BPIFB4: variants seen among roughly 807,000 people sequenced by gnomAD.
BPIFB4 encodes the protein BPI fold-containing family B member 4.
BPIFB4 carries 62 observed loss-of-function variants against 69.2 expected under a neutral mutation model. The observed-to-expected ratio is 0.90, with a 90% CI of 0.73 to 1.11. BPIFB4 has a LOEUF of 1.11. BPIFB4 is among the 50% of genes least tolerant of loss of function. BPIFB4 has a pLI of 0.00. For missense variants in BPIFB4, 789 were observed against 792.0 expected, an observed-to-expected ratio of 1.00 and a Z score of 0.04; for synonymous variants, 330 against 332.7, an observed-to-expected ratio of 0.99 and a Z score of 0.09.
At chr20:33,098,859 C>T (rs541963384) in intron 13 of BPIFB4, among the ~76,000 whole-genome samples, 1 of 152,138 alleles carries the variant, frequency 6.6e-6, no homozygotes, top group Non-Finnish European at 1.5e-5. Flanking sequence ...CCCCTCATCA[C>T]CTCTGAGCTC....
At chr20:33,093,249 A>G (rs1981660440) in intron 11 of BPIFB4, among the ~76,000 whole-genome samples, 1 of 151,510 alleles carries the variant, frequency 6.6e-6, no homozygotes, top group Non-Finnish European at 1.5e-5. Flanking sequence ...CAACCCACCT[A>G]TCCACCCACC....
At chr20:33,080,864 G>A (rs1177129316) in intron 2 of BPIFB4, among the ~76,000 whole-genome samples, 1 of 152,142 alleles carries the variant, frequency 6.6e-6, no homozygotes, top group Non-Finnish European at 1.5e-5. Context: ...ATGGATGATA[G>A]ATATATGGGA....
At chr20:33,105,897 T>G (rs888184956) in intron 16 of BPIFB4, among the ~76,000 whole-genome samples, 1 of 151,696 alleles carries the variant, frequency 6.6e-6, no homozygotes, top group African/African-American at 2.4e-5. Flanking sequence ...TGGGGGCGAG[T>G]CTTTTAATCA....
chr20:33,108,423 C>CTATATATGTATATATATATATATA (rs1982136808), intron 17 of BPIFB4, among the ~76,000 whole-genome samples: 1 of 125,704 alleles, frequency 8.0e-6, no homozygotes. Flanking sequence ...ATATATATGT[C>CTATATATGTATATATATATATATA]TATATATATA....
rs915811788 is a variant in BPIFB4 at position 33,100,578 on chromosome 20, T to G, written c.1637+85T>G. 32 of 1,318,146 alleles carry G rather than the reference T, an allele frequency of 2.4e-5. No individual in the cohort carries two copies. The African/African-American group carries it at 4.5e-4, about 19-fold the overall frequency. 81.7% of individuals were successfully genotyped at this position (1,318,146 alleles called of 1,614,324 possible). On this transcript the variant is annotated intron_variant, in intron 14 of 17. Coordinates refer to ENST00000375483, the MANE Select transcript of BPIFB4 (RefSeq NM_182519.3). ...CCAGGGAGCGGGTAGAGGTCTCCTG[T>G]GTGGCCATCAGGGCTGGGTAAACCC...
In BPIFB4 at chr20:33,089,545, G is replaced by C; in HGVS notation, c.1038G>C (p.Leu346=). 1.9e-6 allele frequency: 3 copies of C among 1,614,244 alleles called. No homozygotes were observed. The highest frequency in any genetic ancestry group is 2.5e-6 in the Non-Finnish European group (3 of 1,180,034). ...TGCTGGGTCTTGTCAATGACCAGCTGGGCCTCGTGGATTGTAAGTCCAATA... is the reference window on the plus strand; with the variant it reads ...TGCTGGGTCTTGTCAATGACCAGCTCGGCCTCGTGGATTGTAAGTCCAATA... ...DVVLGLVNDQ[L]GLVDSLIPLG... Residue 346 remains leucine (L), a synonymous_variant, in exon 9 of 18, where the codon CTG becomes CTC. Coordinates refer to ENST00000375483, the MANE Select transcript of BPIFB4 (RefSeq NM_182519.3).
At position 33,084,934 on chromosome 20, in the gene BPIFB4, G is replaced by T; in HGVS notation, c.720G>T (p.Arg240=). The part of the protein sequence containing the change: ...VELTLPRVSV[R]LLPGVGVYLS... The stretch of plus-strand genomic sequence containing the variant: ...TGACCCTCCCTCGGGTGTCCGTGCG[G>T]CTCCTGCCCGGCGTGGGTGTCTACC... Residue 240 remains arginine (R), a synonymous_variant, in exon 6 of 18, where the codon CGG becomes CGT. Coordinates refer to ENST00000375483, the MANE Select transcript of BPIFB4 (RefSeq NM_182519.3). 1 of 1,611,128 alleles carries T rather than the reference G, an allele frequency of 6.2e-7. No individual in the cohort carries two copies.
intron 9 of BPIFB4, among the ~76,000 whole-genome samples, chr20:33,090,261 T>A (rs941704176): frequency 1.3e-5 from 2 of 152,220 alleles, no homozygotes; most frequent in African/African-American, 4.8e-5. Flanking sequence ...CAGGGAAATC[T>A]CCTTCCCTTT....
intron 14 of BPIFB4, among the ~76,000 whole-genome samples, chr20:33,100,921 A>G (rs991220388): frequency 9.8e-6 from 1 of 101,624 alleles, no homozygotes; most frequent in Non-Finnish European, 2.4e-5. Context: ...CGGGCTTGGT[A>G]TCCATGTGCC....
intron 13 of BPIFB4, among the ~76,000 whole-genome samples, chr20:33,099,363 G>C (rs77473341): frequency 6.6e-6 from 1 of 152,114 alleles, no homozygotes; most frequent in African/African-American, 2.4e-5. Context: ...AGTGGGAATG[G>C]CTGTCCCAAT....
At chr20:33,096,344 C>T (rs1415633963) in intron 12 of BPIFB4, among the ~76,000 whole-genome samples, 1 of 152,306 alleles carries the variant, frequency 6.6e-6, no homozygotes, top group Non-Finnish European at 1.5e-5. Flanking sequence ...GGCACAATCT[C>T]AGCTCACTGC....
Position 33,095,266 on chromosome 20 carries a change from C to G in BPIFB4, c.1398+113C>G, listed in dbSNP as rs559850433. The G allele has an allele frequency of 1.7e-5, 20 of 1,180,224 alleles. No individual in the cohort carries two copies. In the African/African-American group the frequency reaches 3.0e-4, roughly 18 times the overall value. 73.1% of individuals were successfully genotyped at this position (1,180,224 alleles called of 1,614,324 possible). Reference sequence around the variant, plus strand: ...TGGGGTGGGGTGCTCTCCCCCGAACCCCTGCTTGGGAGTGCAGTGACAGTG... The same window carrying G: ...TGGGGTGGGGTGCTCTCCCCCGAACGCCTGCTTGGGAGTGCAGTGACAGTG... On this transcript the variant is annotated intron_variant, in intron 12 of 17. Transcript: ENST00000375483.
chr20:33,107,626 ACT>A (rs1251730265), intron 16 of BPIFB4, 116 bp from the exon 17 acceptor site: 3 of 728,312 alleles, frequency 4.1e-6, no homozygotes, highest in Non-Finnish European at 7.2e-6. Context: ...ACAGAGCGAG[ACT>A]CTGTCTCAAA....
intron 8 of BPIFB4, among the ~76,000 whole-genome samples, 166 bp downstream of exon 8, chr20:33,089,195 C>T (rs767773847): frequency 2.3e-4 from 35 of 152,148 alleles, no homozygotes; most frequent in Admixed American, 5.9e-4. Context: ...CTGAGGAACA[C>T]GAAAGGACAG....
intron 13 of BPIFB4, 90 bp downstream of exon 13, chr20:33,097,877 C>T (rs1168465811): frequency 2.2e-6 from 3 of 1,348,938 alleles, no homozygotes; most frequent in Admixed American, 2.3e-5. Context: ...TTCAAATCCC[C>T]TCAATCTCCA....
chr20:33,110,849 C>G (rs145264414), intron 17 of BPIFB4, among the ~76,000 whole-genome samples: 1 of 105,924 alleles, frequency 9.4e-6, no homozygotes, highest in African/African-American at 3.9e-5. Context: ...GAGTTTTGCT[C>G]TTGTCACCCA....
At chr20:33,085,839 G>C (rs1490431685) in intron 6 of BPIFB4, among the ~76,000 whole-genome samples, 182 bp from the exon 7 acceptor site, 3 of 152,230 alleles carry the variant, frequency 2.0e-5, no homozygotes, top group South Asian at 4.1e-4. Context: ...CATGGGCTGA[G>C]GGGGAGATAG....
At chr20:33,111,070 C>T (rs1012982898) in intron 17 of BPIFB4, among the ~76,000 whole-genome samples, 8 of 152,156 alleles carry the variant, frequency 5.3e-5, no homozygotes, top group Non-Finnish European at 1.2e-4. Flanking sequence ...CCTGCCTCAG[C>T]CTCCCAAAGT....
rs756055417 is a variant in BPIFB4, at chr20:33,092,546, C to T, written c.1232C>T (p.Pro411Leu). The T allele has an allele frequency of 6.2e-7, 1 of 1,614,148 alleles. No homozygotes were observed. Among genetic ancestry groups the T allele is most frequent in the Non-Finnish European group, 8.5e-7 (1 of 1,180,004 alleles). Reference sequence around the variant, plus strand: ...CCCAAGCCGATGCCAGAGCTGCCTCCCATGGGTGACAACACCAAGTCCCAG... The same window carrying T: ...CCCAAGCCGATGCCAGAGCTGCCTCTCATGGGTGACAACACCAAGTCCCAG... ...VSPKPMPELP[P>L]MGDNTKSQLA... Residue 411 changes from proline (P) to leucine (L), a missense_variant, in exon 11 of 18, where the codon CCC becomes CTC. By Grantham distance (98) the Pro-to-Leu change is moderately conservative. Transcript: ENST00000375483.
Sources: gnomAD v4.1 joint callset for allele counts (sites outside exome capture counted in the v4.1 genomes callset) on GRCh38, gnomAD v4.1.1 for gene constraint, MANE v1.5 for transcripts, NCBI Gene and HGNC (gene_info 2026-07-23, HGNC 2026-07-21) for gene names.